PRKN: variants seen among roughly 807,000 people sequenced by gnomAD.
PRKN encodes E3 ubiquitin-protein ligase parkin.
Under a neutral mutation model 59.5 loss-of-function variants are expected in PRKN, and 56 were observed. The observed-to-expected ratio is 0.94, with a 90% confidence interval of 0.76 to 1.18. PRKN has a LOEUF of 1.18. Among genes scored for constraint, PRKN ranks in the 50% most tolerant of loss-of-function variants. The pLI is 0.00. For synonymous variants in PRKN, 250 were observed against 222.1 expected (o/e 1.13, Z -1.12); for missense variants, 657 against 596.4 (o/e 1.10, Z -1.06).
At chr6:162,549,134 C>T (rs899832775) in intron 1 of PRKN, among the ~76,000 whole-genome samples, 2 of 151,980 alleles carry the variant, frequency 1.3e-5, no homozygotes, top group Admixed American at 6.6e-5. Flanking sequence ...ATTAGAGATC[C>T]CAGAAGCTAG....
intron 4 of PRKN, among the ~76,000 whole-genome samples, chr6:162,104,425 C>A (rs1427235583): frequency 6.6e-6 from 1 of 152,114 alleles, no homozygotes; most frequent in South Asian, 2.1e-4. Context: ...AAGCAGGAAT[C>A]ATCTGATTTT....
At chr6:161,649,804 T>G (rs1046132167) in intron 7 of PRKN, among the ~76,000 whole-genome samples, 1 of 152,222 alleles carries the variant, frequency 6.6e-6, no homozygotes, top group African/African-American at 2.4e-5. Context: ...GTAGGGACAA[T>G]GTTGTCTCTC....
intron 9 of PRKN, among the ~76,000 whole-genome samples, chr6:161,510,483 C>T (rs1334735728): frequency 2.0e-5 from 3 of 152,184 alleles, no homozygotes; most frequent in Admixed American, 6.5e-5. Flanking sequence ...CTGAGACCAA[C>T]GCGAAGCCCA....
chr6:162,581,819 A>G (rs1297692812), intron 1 of PRKN, among the ~76,000 whole-genome samples: 3 of 152,224 alleles, frequency 2.0e-5, no homozygotes, highest in Admixed American at 2.0e-4. Context: ...AGAGTTAGGT[A>G]AAGTAAATTA....
At position 162,289,700 on chromosome 6, in the gene PRKN, AG is replaced by A. The variant is rs1781340727; in HGVS notation, c.172-26936del. Among the ~76,000 whole-genome samples the A allele has an allele frequency of 7.3e-5, 11 of 151,650 alleles. No individual in the cohort carries two copies. The South Asian group carries it at 2.3e-3, about 32-fold the overall frequency. ...GAGACACTGTCTCAAAAAAAAAAAAAGATTTTTTGAAGAACACAATTCACTC... is the reference window on the plus strand; with the variant it reads ...GAGACACTGTCTCAAAAAAAAAAAAAATTTTTTGAAGAACACAATTCACTC... On this transcript the variant is annotated intron_variant, in intron 2 of 11. Transcript: ENST00000366898.
chr6:162,207,261 G>A (rs1204296091), intron 3 of PRKN, among the ~76,000 whole-genome samples: 2 of 152,054 alleles, frequency 1.3e-5, no homozygotes, highest in African/African-American at 2.4e-5. Flanking sequence ...AGTCCCAGCT[G>A]CTCGGGAGGC....
chr6:162,370,316 T>A (rs995833900), intron 2 of PRKN, among the ~76,000 whole-genome samples: 2 of 151,512 alleles, frequency 1.3e-5, no homozygotes, highest in East Asian at 3.9e-4. Context: ...AATTCAGAGA[T>A]TTTTTTTTAA....
intron 1 of PRKN, among the ~76,000 whole-genome samples, chr6:162,707,637 C>T (rs1007591158): frequency 2.6e-5 from 4 of 150,956 alleles, no homozygotes; most frequent in East Asian, 1.9e-4. Context: ...TGCAGTGGCA[C>T]GATCTCAGTT....
intron 4 of PRKN, among the ~76,000 whole-genome samples, chr6:162,138,972 A>G (rs1246392954): frequency 6.6e-6 from 1 of 152,220 alleles, no homozygotes; most frequent in African/African-American, 2.4e-5. Flanking sequence ...GCAAAGCTTG[A>G]GAATTTTTAG....
intron 2 of PRKN, among the ~76,000 whole-genome samples, chr6:162,372,769 A>T (rs1328271476): frequency 6.6e-6 from 1 of 152,236 alleles, no homozygotes; most frequent in Non-Finnish European, 1.5e-5. Context: ...AAAATTTTTT[A>T]AAATACAGTT....
chr6:162,004,579 A>C (rs571048555), intron 5 of PRKN, among the ~76,000 whole-genome samples: 1 of 152,156 alleles, frequency 6.6e-6, no homozygotes, highest in South Asian at 2.1e-4. Context: ...CAATTAGCAA[A>C]CTCCTCAACA....
chr6:161,399,950 A>G lies in PRKN; in HGVS notation c.1084-13073T>C, dbSNP rs556504005. Reference sequence around the variant, plus strand: ...TCAAAATTGTATCATTTCAACATGCAATCGATATAAAAATTGGTAATGAGT... The same window carrying G: ...TCAAAATTGTATCATTTCAACATGCGATCGATATAAAAATTGGTAATGAGT... On this transcript the variant is annotated intron_variant, in intron 9 of 11. Coordinates refer to ENST00000366898, the MANE Select transcript of PRKN (RefSeq NM_004562.3). This position sits in a 1 kb window ranked among gnomAD's most constrained non-coding sequence, Gnocchi z 4.4. 6.6e-6 allele frequency among the ~76,000 whole-genome samples: 1 copy of G among 152,342 alleles called. No individual in the cohort carries two copies. Among genetic ancestry groups the G allele is most frequent in the South Asian group, 2.1e-4 (1 of 4,824 alleles).
chr6:161,988,163 C>G (rs993521101), intron 5 of PRKN, among the ~76,000 whole-genome samples: 1 of 152,108 alleles, frequency 6.6e-6, no homozygotes, highest in Non-Finnish European at 1.5e-5. Context: ...AGAGTCAGTT[C>G]TTCCAAAGGG....
intron 1 of PRKN, among the ~76,000 whole-genome samples, chr6:162,691,891 G>A (rs2128235212): frequency 6.6e-6 from 1 of 152,064 alleles, no homozygotes; most frequent in South Asian, 2.1e-4. Flanking sequence ...AATACGTTGG[G>A]CTATTTCAAT....
intron 4 of PRKN, among the ~76,000 whole-genome samples, chr6:162,182,390 G>A (rs1436882692): frequency 3.9e-5 from 6 of 152,156 alleles, no homozygotes; most frequent in African/African-American, 1.2e-4. Flanking sequence ...ACGTAGAAGC[G>A]TCTCAGCCTG....
At chr6:162,417,662 G>A (rs190829358) in intron 2 of PRKN, among the ~76,000 whole-genome samples, 2 of 152,330 alleles carry the variant, frequency 1.3e-5, no homozygotes, top group Non-Finnish European at 2.9e-5. Context: ...GAACATAGCA[G>A]GGAACCTCCC....
At chr6:162,303,703 C>A (rs1782074410) in intron 2 of PRKN, among the ~76,000 whole-genome samples, 1 of 152,074 alleles carries the variant, frequency 6.6e-6, no homozygotes, top group Non-Finnish European at 1.5e-5. Flanking sequence ...GTCTGTAAAC[C>A]ACAGGAAGGA....
intron 7 of PRKN, among the ~76,000 whole-genome samples, chr6:161,634,902 A>T (rs1403189949): frequency 6.6e-6 from 1 of 152,160 alleles, no homozygotes; most frequent in Non-Finnish European, 1.5e-5. Context: ...TTTCCTCAGA[A>T]CTTCTGTATG....
chr6:161,786,375 AGTTTT>A (rs1562683745), intron 6 of PRKN, among the ~76,000 whole-genome samples: 1 of 152,116 alleles, frequency 6.6e-6, no homozygotes, highest in Non-Finnish European at 1.5e-5. Context: ...GGCATTGTAA[AGTTTT>A]AAATGAATGT....
Sources: gnomAD v4.1 joint callset for allele counts (sites outside exome capture counted in the v4.1 genomes callset) on GRCh38, gnomAD v4.1.1 for gene constraint, Gnocchi (gnomAD v3.1) non-coding constraint, MANE v1.5 for transcripts, NCBI Gene and HGNC (gene_info 2026-07-23, HGNC 2026-07-21) for gene names.